The following FRY variants were observed in gnomAD, a reference collection of about 807,000 sequenced individuals.
The protein encoded by FRY is FRY microtubule binding protein.
FRY carries 128 observed loss-of-function variants against 348.4 expected under a neutral mutation model. The observed-to-expected ratio is 0.37, with a 90% CI of 0.32 to 0.43. FRY has a LOEUF of 0.43. Among genes scored for constraint, FRY ranks in the 20% least tolerant of loss-of-function variants. The pLI is 1.00. For synonymous variants in FRY, 1,370 were observed against 1,374.7 expected (o/e 1.00, Z 0.08); for missense variants, 2,736 against 3,695.2 (o/e 0.74, Z 6.73).
chr13:32,209,390 T>A (rs1487736320), intron 32 of FRY, among the ~76,000 whole-genome samples, 195 bp from the exon 33 acceptor site: 1 of 152,188 alleles, frequency 6.6e-6, no homozygotes. Context: ...CTCACATGAA[T>A]AGGTATTATG....
intron 1 of FRY, chr13:32,061,276 A>C (rs1046604463): frequency 4.4e-6 from 2 of 455,192 alleles, no homozygotes; most frequent in African/African-American, 4.0e-5. Flanking sequence ...TAGCAGTTGC[A>C]TCTGCCTGCA....
intron 7 of FRY, among the ~76,000 whole-genome samples, chr13:32,128,686 C>A (rs151317597): frequency 6.6e-6 from 1 of 152,146 alleles, no homozygotes; most frequent in Non-Finnish European, 1.5e-5. Flanking sequence ...GCATTCACTG[C>A]CTAATTCACT....
intron 16 of FRY, among the ~76,000 whole-genome samples, 163 bp from the exon 17 acceptor site, chr13:32,160,981 G>T (rs957436833): frequency 6.6e-6 from 1 of 152,126 alleles, no homozygotes; most frequent in Admixed American, 6.5e-5. Context: ...TATTAGAACT[G>T]GTCAAGCTAC....
At chr13:32,109,432 A>C (rs781214714) in intron 3 of FRY, among the ~76,000 whole-genome samples, 24 of 152,352 alleles carry the variant, frequency 1.6e-4, no homozygotes, top group Middle Eastern at 3.4e-3. Context: ...ATAAAGGAGG[A>C]GTTAATGATG....
Position 32,179,030 on chromosome 13 carries a change from C to G in FRY, c.2868C>G (p.Asn956Lys). Residue 956 changes from asparagine (N) to lysine (K), a missense_variant, in exon 22 of 61, where the codon AAC becomes AAG. Asn to Lys is a moderately conservative substitution (Grantham distance 94). Transcript: ENST00000542859. ...CTGATGGTACAGTGAGCTACGATAA[C>G]AAGGTGACATGACATGCTTCAGAAG... Reference protein sequence around the residue: ...TTPDGTVSYDNKAIGTPSVGV... With the variant: ...TTPDGTVSYDKKAIGTPSVGV... 1 of 1,611,236 alleles carries G rather than the reference C, an allele frequency of 6.2e-7. No homozygotes were observed. Among genetic ancestry groups the G allele is most frequent in the Non-Finnish European group, 8.5e-7 (1 of 1,177,388 alleles).
chr13:32,259,735 T>C (rs1887531942), intron 51 of FRY, among the ~76,000 whole-genome samples: 1 of 152,220 alleles, frequency 6.6e-6, no homozygotes, highest in South Asian at 2.1e-4. Flanking sequence ...CTTCCTTTCT[T>C]TACACATTGG....
chr13:32,136,779 G>C (rs1217183065), intron 10 of FRY, 92 bp from the exon 11 acceptor site: 1 of 836,616 alleles, frequency 1.2e-6, no homozygotes, highest in Non-Finnish European at 2.1e-6. Context: ...GGGCCCCCGA[G>C]GGAGATGGCA....
At chr13:32,247,280 A>G in intron 47 of FRY, 43 bp from the exon 48 acceptor site, 1 of 1,541,312 alleles carries the variant, frequency 6.5e-7, no homozygotes, top group African/African-American at 1.4e-5. Context: ...AGCTTTAAAA[A>G]AATTAAATTA....
At chr13:32,288,645 T>C (rs1449170613) in intron 58 of FRY, among the ~76,000 whole-genome samples, 1 of 152,250 alleles carries the variant, frequency 6.6e-6, no homozygotes, top group Non-Finnish European at 1.5e-5. Flanking sequence ...GCATTCTTTG[T>C]AGTCCTTGGT....
Position 32,237,156 on chromosome 13 carries a change from A to G in FRY, c.5811-223A>G, listed in dbSNP as rs925032175. The stretch of plus-strand genomic sequence containing the variant: ...TAAGGCCAATTATTGATTCCTCTAC[A>G]TTTTCAAGAAGTAGCAGTCAGTATT... On this transcript the variant is annotated intron_variant, in intron 43 of 60. Transcript: ENST00000542859. The surrounding 1 kb of genome is among the most constrained non-coding windows in gnomAD (Gnocchi z 6.3). Among the ~76,000 whole-genome samples, 1 of 152,012 alleles carries G rather than the reference A, an allele frequency of 6.6e-6. No individual in the cohort carries two copies. The highest frequency in any genetic ancestry group is 2.4e-5 in the African/African-American group (1 of 41,386).
At chr13:32,078,779 C>T in intron 1 of FRY, 55 bp from the exon 2 acceptor site, 2 of 1,255,222 alleles carry the variant, frequency 1.6e-6, no homozygotes, top group Non-Finnish European at 2.3e-6. Context: ...CACAGTCCAT[C>T]TGAATATTTA....
chr13:32,149,735 G>A lies in FRY; in HGVS notation c.1393-13G>A, dbSNP rs1566098154. ...TTTAACACTTTCATTTTGTGTTCTT[G>A]TTTTTACTACAGGAACGTTTAGATT... On this transcript the variant is annotated splice_polypyrimidine_tract_variant and intron_variant, in intron 13 of 60. Transcript: ENST00000542859. 1.3e-6 allele frequency: 2 copies of A among 1,511,372 alleles called. No individual in the cohort carries two copies. Among genetic ancestry groups the A allele is most frequent in the East Asian group, 4.5e-5 (2 of 44,408 alleles). The allele number at this position is 1,511,372 out of a possible 1,614,324, so 93.6% of individuals were successfully genotyped here.
Position 32,262,175 on chromosome 13 carries a change from T to C in FRY, c.7618-139T>C, listed in dbSNP as rs1887683863. 4.2e-6 allele frequency: 3 copies of C among 709,932 alleles called. No individual in the cohort carries two copies. In the East Asian group the frequency reaches 8.1e-5, roughly 19 times the overall value. The allele number at this position is 709,932 out of a possible 1,614,324, so 44.0% of individuals were successfully genotyped here. A position where few individuals can be genotyped will look rare whatever the true frequency, so the allele number is the denominator to read the frequency against. Reference sequence around the variant, plus strand: ...TTCTGAAAATACCTGGATTACTAGCTGCTATGTTTAAGGCCCAATAATGGT... The same window carrying C: ...TTCTGAAAATACCTGGATTACTAGCCGCTATGTTTAAGGCCCAATAATGGT... On this transcript the variant is annotated intron_variant, in intron 52 of 60. Coordinates refer to ENST00000542859, the MANE Select transcript of FRY (RefSeq NM_023037.3).
chr13:32,131,536 C>A (rs1458884861), intron 7 of FRY, 136 bp from the exon 8 acceptor site: 2 of 678,486 alleles, frequency 2.9e-6, no homozygotes, highest in Non-Finnish European at 5.2e-6. Flanking sequence ...CAAATCCTTA[C>A]AAAATCATGG....
chr13:32,268,536 A>ATATATATATC (rs1888059879), intron 55 of FRY, among the ~76,000 whole-genome samples: 1 of 134,606 alleles, frequency 7.4e-6, no homozygotes, highest in Admixed American at 7.8e-5. Context: ...ATATATATAT[A>ATATATATATC]TATCTAGATT....
chr13:32,269,441 AACACTTTGGG>A (rs1433400694), intron 55 of FRY, among the ~76,000 whole-genome samples: 6 of 152,194 alleles, frequency 3.9e-5, no homozygotes, highest in Admixed American at 2.6e-4. Context: ...CTGTAATCCC[AACACTTTGGG>A]AGGCCGAGGT....
chr13:32,088,604 A>G (rs1876045397), intron 2 of FRY, among the ~76,000 whole-genome samples: 1 of 152,190 alleles, frequency 6.6e-6, no homozygotes, highest in Admixed American at 6.5e-5. Context: ...TGTAGATGAA[A>G]CACATTTCTT....
intron 2 of FRY, among the ~76,000 whole-genome samples, chr13:32,090,258 G>A (rs1323621378): frequency 2.0e-5 from 3 of 147,226 alleles, no homozygotes; most frequent in Non-Finnish European, 4.4e-5. Flanking sequence ...TGAGGCGGGA[G>A]AATGGCGTGA....
intron 14 of FRY, among the ~76,000 whole-genome samples, chr13:32,150,851 C>T (rs1880746065): frequency 1.3e-5 from 2 of 152,314 alleles, no homozygotes; most frequent in South Asian, 4.1e-4. Flanking sequence ...TCCCACCACA[C>T]CCCATATTCT....
Sources: gnomAD v4.1 joint callset for allele counts (sites outside exome capture counted in the v4.1 genomes callset) on GRCh38, gnomAD v4.1.1 for gene constraint, Gnocchi (gnomAD v3.1) non-coding constraint, MANE v1.5 for transcripts, NCBI Gene and HGNC (gene_info 2026-07-23, HGNC 2026-07-21) for gene names.